The following PRMT7 variants were observed in gnomAD, a reference collection of about 807,000 sequenced individuals.
The protein encoded by PRMT7 is protein arginine methyltransferase 7.
PRMT7 carries 75 observed loss-of-function variants against 85.4 expected under a neutral mutation model. The observed-to-expected ratio is 0.88, with a 90% confidence interval of 0.73 to 1.06. PRMT7 has a LOEUF of 1.06. Among genes scored for constraint, PRMT7 ranks in the 50% least tolerant of loss-of-function variants. The probability of loss-of-function intolerance (pLI) is 0.00; values close to 1 mark genes in which losing one functional copy is unlikely to be tolerated. For missense variants in PRMT7, 868 were observed against 915.2 expected (o/e 0.95, Z 0.67); for synonymous variants, 397 against 359.5 (o/e 1.10, Z -1.18).
At chr16:68,352,033 C>A in intron 14 of PRMT7, 1 of 542,834 alleles carries the variant, frequency 1.8e-6, no homozygotes. Flanking sequence ...AGGGCAGGTA[C>A]AGAGCACCTT....
At chr16:68,359,798 A>G (rs1479421852), downstream of PRMT7, 1 of 152,466 alleles carries the variant, frequency 6.6e-6, no homozygotes, top group Non-Finnish European at 1.5e-5. Context: ...GCTGCATGAC[A>G]GGAGCAGCCC....
chr16:68,311,951 C>T (rs2043807458), intron 1 of PRMT7, 91 bp from the exon 2 acceptor site: 2 of 152,140 alleles, frequency 1.3e-5, no homozygotes, highest in African/African-American at 4.8e-5. Context: ...AGGGTCTTCT[C>T]TAGCTTGTGG....
At chr16:68,348,876 C>T (rs894384549) in intron 14 of PRMT7, among the ~76,000 whole-genome samples, 3 of 151,934 alleles carry the variant, frequency 2.0e-5, no homozygotes, top group Admixed American at 6.6e-5. Context: ...TGGGCTCATG[C>T]GATCTGCCAG....
chr16:68,334,660 G>T (rs1310543558), intron 6 of PRMT7, among the ~76,000 whole-genome samples: 2 of 152,134 alleles, frequency 1.3e-5, no homozygotes, highest in East Asian at 3.8e-4. Flanking sequence ...AAAGGGCTTA[G>T]GAAGCTCCTG....
intron 6 of PRMT7, among the ~76,000 whole-genome samples, chr16:68,334,684 C>T (rs561289507): frequency 6.6e-6 from 1 of 152,304 alleles, no homozygotes; most frequent in East Asian, 1.9e-4. Flanking sequence ...TGGCTACCTG[C>T]TTCAGACTCC....
chr16:68,345,229 G>A (rs1218129048), intron 9 of PRMT7, among the ~76,000 whole-genome samples: 18 of 152,204 alleles, frequency 1.2e-4, no homozygotes, highest in Admixed American at 3.3e-4. Context: ...GAGTCTGACT[G>A]TTTTGTAAAT....
rs1342394887 is a variant in PRMT7 at position 68,329,076 on chromosome 16, C to G, written c.293C>G (p.Pro98Arg). The G allele has an allele frequency of 6.2e-7, 1 of 1,608,944 alleles. No homozygotes were observed. Among genetic ancestry groups the G allele is most frequent in the East Asian group, 2.2e-5 (1 of 44,842 alleles). Reference sequence around the variant, plus strand: ...GGCTCTATTTTCTAGGTTTTCAAGCCTATGGCTGATGCTGCTGTGAAGATT... The same window carrying G: ...GGCTCTATTTTCTAGGTTTTCAAGCGTATGGCTGATGCTGCTGTGAAGATT... ...DFCYAIEVFK[P>R]MADAAVKIVE... is the part of the protein sequence containing the mutation. Residue 98 changes from proline to arginine, a missense_variant, in exon 6 of 19, where the codon CCT becomes CGT. Physicochemically the swap from Pro to Arg is moderately radical, Grantham distance 103 (BLOSUM62 -2). Transcript: ENST00000441236.
intron 3 of PRMT7, among the ~76,000 whole-genome samples, chr16:68,317,421 G>A (rs1247848277): frequency 1.3e-5 from 2 of 152,080 alleles, no homozygotes; most frequent in South Asian, 2.1e-4. Flanking sequence ...GCCAGATTGT[G>A]GCTGGGTGCA....
chr16:68,314,407 T>A (rs2044402942), intron 2 of PRMT7, among the ~76,000 whole-genome samples: 1 of 152,176 alleles, frequency 6.6e-6, no homozygotes, highest in African/African-American at 2.4e-5. Context: ...ATTTTTGTAT[T>A]TTTAGTAGAG....
rs766569334 is a variant in PRMT7 at position 68,347,649 on chromosome 16, TCAG to T, written c.1299_1301del (p.Ala434del). On this transcript the variant is annotated inframe_deletion, in exon 13 of 19. Coordinates refer to ENST00000441236, the MANE Select transcript of PRMT7 (RefSeq NM_019023.5). ...CCTCTAGGTGTTTACAGTCGAGAGTTCAGCAGCTTCTCACAAACTGTTGAGAAA... is the reference window on the plus strand; with the variant it reads ...CCTCTAGGTGTTTACAGTCGAGAGTTCAGCTTCTCACAAACTGTTGAGAAA... 6.2e-7 allele frequency: 1 copy of T among 1,613,888 alleles called. No individual in the cohort carries two copies. The highest frequency in any genetic ancestry group is 8.5e-7 in the Non-Finnish European group (1 of 1,179,896).
intron 4 of PRMT7, chr16:68,323,745 C>T (rs1018728858): frequency 2.6e-5 from 4 of 152,108 alleles, no homozygotes; most frequent in African/African-American, 7.2e-5. Context: ...AACAAATTAC[C>T]TTAAATTTTA....
chr16:68,339,339 G>T lies in PRMT7; in HGVS notation c.522G>T (p.Val174=), dbSNP rs2151730960. The change falls in exon 8 of 19, where the codon GTG becomes GTT. Residue 174 remains valine, a synonymous_variant. Transcript: ENST00000441236. ...RHLVEENCEA[V]PHRATVYAQL... is the part of the protein sequence containing the mutation. Reference sequence around the variant, plus strand: ...AAACTTAGGAAAATTGTGAGGCCGTGCCCCACAGAGCCACCGTCTATGCAC... The same window carrying T: ...AAACTTAGGAAAATTGTGAGGCCGTTCCCCACAGAGCCACCGTCTATGCAC... 6.2e-7 allele frequency: 1 copy of T among 1,614,092 alleles called. No homozygotes were observed. Among genetic ancestry groups the T allele is most frequent in the South Asian group, 1.1e-5 (1 of 91,088 alleles).
chr16:68,338,620 T>A (rs1029733706), intron 7 of PRMT7, among the ~76,000 whole-genome samples: 12 of 152,012 alleles, frequency 7.9e-5, no homozygotes, highest in Admixed American at 7.9e-4. Context: ...TAGAGCAGCA[T>A]TTGTCTACCA....
At chr16:68,312,221 ATATATATATTT>A (rs1460194313) in intron 2 of PRMT7, 45 bp downstream of exon 2, 1 of 41,700 alleles carries the variant, frequency 2.4e-5, no homozygotes, top group Non-Finnish European at 5.4e-5. Flanking sequence ...ATATATATAT[ATATATATATTT>A]TTTTTTTTAA....
intron 5 of PRMT7, among the ~76,000 whole-genome samples, chr16:68,326,917 G>A (rs1479155247): frequency 6.6e-6 from 1 of 152,154 alleles, no homozygotes; most frequent in Non-Finnish European, 1.5e-5. Context: ...CAGGGGTGAG[G>A]GACGACACTG....
intron 4 of PRMT7, chr16:68,323,987 G>C (rs1241685976): frequency 6.6e-6 from 1 of 152,242 alleles, no homozygotes; most frequent in East Asian, 1.9e-4. Flanking sequence ...GAAGCTCTCT[G>C]AGTTAGAGTC....
At chr16:68,350,841 G>A (rs899904710) in intron 14 of PRMT7, among the ~76,000 whole-genome samples, 31 of 152,316 alleles carry the variant, frequency 2.0e-4, no homozygotes, top group Non-Finnish European at 2.4e-4. Flanking sequence ...TTCGTGGCTG[G>A]CCTCTCATGT....
In PRMT7 at chr16:68,339,831, A is replaced by G; in HGVS notation, c.790A>G (p.Ser264Gly). The change falls in exon 9 of 19, where the codon AGC (serine) becomes GGC (glycine). Residue 264 changes from serine (S) to glycine (G), a missense_variant. Transcript: ENST00000441236. ...KQVSSSAACH[S>G]RRFEPLTSGR... Reference sequence around the variant, plus strand: ...AGTCAGTAGCTCAGCAGCCTGCCATAGCAGGCGGTTTGAACCTCTGACATC... The same window carrying G: ...AGTCAGTAGCTCAGCAGCCTGCCATGGCAGGCGGTTTGAACCTCTGACATC... The G allele has an allele frequency of 6.2e-6, 10 of 1,613,986 alleles. No homozygotes were observed. Among genetic ancestry groups the G allele is most frequent in the Non-Finnish European group, 8.5e-6 (10 of 1,179,818 alleles).
rs1218469962 is a variant in PRMT7 at position 68,355,827 on chromosome 16, C to A, written c.1755C>A (p.Phe585Leu). The change falls in exon 17 of 19, where the codon TTC becomes TTA. Residue 585 changes from phenylalanine (F) to leucine (L), a missense_variant. Transcript: ENST00000441236. ...CCTGGCAGATCCTGACCTTTGACTT[C>A]CAGCAGCCGGTGCCCCTGCAGCCCC... The part of the protein sequence containing the change: ...SEPWQILTFD[F>L]QQPVPLQPLC... 1 of 1,610,482 alleles carries A rather than the reference C, an allele frequency of 6.2e-7. No individual in the cohort carries two copies. Among genetic ancestry groups the A allele is most frequent in the Admixed American group, 1.7e-5 (1 of 59,944 alleles).
Sources: allele counts gnomAD v4.1 joint callset (sites outside exome capture counted in the v4.1 genomes callset), GRCh38; gene constraint gnomAD v4.1.1; transcripts MANE v1.5; gene names NCBI Gene and HGNC (gene_info 2026-07-23, HGNC 2026-07-21).